The following KLF8 variants were observed in gnomAD, a reference collection of about 807,000 sequenced individuals.
KLF8 encodes KLF transcription factor 8, also known as Krueppel-like factor 8.
A neutral mutation model predicts 18.2 loss-of-function variants in KLF8; 10 were observed. The ratio of observed to expected loss-of-function variants is 0.55; its 90% CI spans 0.34 to 0.93. The LOEUF (loss-of-function observed/expected upper bound fraction) is 0.93. Among genes scored for constraint, KLF8 ranks in the 40% least tolerant of loss-of-function variants. The pLI is 0.02. For synonymous variants in KLF8, 109 were observed against 97.3 expected, an observed-to-expected ratio of 1.12 and a Z score of -0.71; for missense variants, 264 against 277.9, an observed-to-expected ratio of 0.95 and a Z score of 0.36.
the KLF8 span, among the ~76,000 whole-genome samples, chrX:56,196,515 G>A: frequency 8.9e-6 from 1 of 112,009 alleles, no homozygotes; most frequent in Admixed American, 9.5e-5. Flanking sequence ...ATTACATAAT[G>A]GTAAAGGAAT....
At chrX:56,078,396 T>C in the KLF8 span, among the ~76,000 whole-genome samples, 1 of 112,451 alleles carries the variant, frequency 8.9e-6, no homozygotes, top group Non-Finnish European at 1.9e-5. Context: ...TCTATTGAGA[T>C]AATCATGTGG....
chrX:56,118,011 T>C, the KLF8 span, among the ~76,000 whole-genome samples: 275 of 111,732 alleles, frequency 2.5e-3, 1 homozygote, highest in African/African-American at 8.7e-3. Flanking sequence ...CTAAGGCCTC[T>C]TTTATAAGGG....
At chrX:56,166,853 A>C in the KLF8 span, among the ~76,000 whole-genome samples, 1 of 111,589 alleles carries the variant, frequency 9.0e-6, no homozygotes, top group East Asian at 2.8e-4. Context: ...CCTACTATAG[A>C]GGTGCTCCAG....
At chrX:56,069,254 G>T in the KLF8 span, among the ~76,000 whole-genome samples, 1 of 111,826 alleles carries the variant, frequency 8.9e-6, no homozygotes, top group Non-Finnish European at 1.9e-5. Flanking sequence ...TGGATGGCAG[G>T]GTGCATGACC....
chrX:56,137,919 A>G, the KLF8 span, among the ~76,000 whole-genome samples: 5 of 108,901 alleles, frequency 4.6e-5, no homozygotes, highest in Admixed American at 4.0e-4. Flanking sequence ...ACTAAAATTT[A>G]GCTCTTTGAA....
the KLF8 span, among the ~76,000 whole-genome samples, chrX:55,969,449 GA>G: frequency 9.0e-6 from 1 of 111,513 alleles, no homozygotes; most frequent in African/African-American, 3.3e-5. Context: ...GATGCAGTGA[GA>G]GCAGTCCTAA....
the KLF8 span, among the ~76,000 whole-genome samples, chrX:56,064,417 A>C: frequency 9.1e-6 from 1 of 109,550 alleles, no homozygotes; most frequent in East Asian, 2.8e-4. Context: ...TTACATGTGA[A>C]GTGAGTTTCT....
At chrX:56,172,653 T>G in the KLF8 span, among the ~76,000 whole-genome samples, 1 of 112,103 alleles carries the variant, frequency 8.9e-6, no homozygotes, top group Non-Finnish European at 1.9e-5. Context: ...ATAGAATTTC[T>G]AGTTCTAGAT....
chrX:56,091,510 T>G, the KLF8 span, among the ~76,000 whole-genome samples: 5 of 111,178 alleles, frequency 4.5e-5, no homozygotes, highest in Non-Finnish European at 5.7e-5. Context: ...ATTTATTTAT[T>G]TATTGAGACA....
chrX:56,263,757 T>C (rs1337209567), intron 2 of KLF8, among the ~76,000 whole-genome samples: 1 of 112,281 alleles, frequency 8.9e-6, no homozygotes, highest in African/African-American at 3.2e-5. Context: ...TACTCAAATA[T>C]TTTTACATGT....
At chrX:56,129,258 T>G in the KLF8 span, among the ~76,000 whole-genome samples, 330 of 112,079 alleles carry the variant, frequency 2.9e-3, no homozygotes, top group African/African-American at 0.01. Context: ...ACTGCAGGAA[T>G]AGACCAGAAA....
the KLF8 span, among the ~76,000 whole-genome samples, chrX:56,221,171 C>A: frequency 3.7e-3 from 410 of 111,968 alleles, 2 homozygotes; most frequent in African/African-American, 0.013. Context: ...TGGCTGGAAT[C>A]ATCAGAACTA....
At chrX:56,192,225 T>C in the KLF8 span, among the ~76,000 whole-genome samples, 2 of 111,638 alleles carry the variant, frequency 1.8e-5, no homozygotes, top group South Asian at 3.7e-4. Flanking sequence ...CCATTTACAA[T>C]AGCTAAAATT....
the KLF8 span, among the ~76,000 whole-genome samples, chrX:56,084,392 A>G: frequency 1.8e-5 from 2 of 111,009 alleles, no homozygotes; most frequent in Non-Finnish European, 3.8e-5. Context: ...AAACAAACAA[A>G]CAAACAAAAC....
chrX:56,075,212 G>T, the KLF8 span, among the ~76,000 whole-genome samples: 1 of 110,309 alleles, frequency 9.1e-6, no homozygotes, highest in Non-Finnish European at 1.9e-5. Flanking sequence ...ATTGTAAAAG[G>T]AATTATTTTA....
At chrX:56,111,311 T>A in the KLF8 span, among the ~76,000 whole-genome samples, 1 of 112,067 alleles carries the variant, frequency 8.9e-6, no homozygotes, top group Non-Finnish European at 1.9e-5. Flanking sequence ...ATGTATCTAG[T>A]TGTGGAGCTC....
chrX:55,934,987 A>T, the KLF8 span, among the ~76,000 whole-genome samples: 2 of 112,011 alleles, frequency 1.8e-5, no homozygotes, highest in Non-Finnish European at 3.8e-5. Flanking sequence ...CCATATGCAT[A>T]TCCATGAAAA....
At chrX:55,969,104 G>T in the KLF8 span, among the ~76,000 whole-genome samples, 6 of 111,707 alleles carry the variant, frequency 5.4e-5, no homozygotes, top group African/African-American at 1.9e-4. Flanking sequence ...AGACCAAATG[G>T]ATCTAATAGA....
At chrX:56,096,114 T>G in the KLF8 span, among the ~76,000 whole-genome samples, 5 of 110,642 alleles carry the variant, frequency 4.5e-5, no homozygotes, top group Admixed American at 2.9e-4. Context: ...TACACAGACA[T>G]AAAACAGAAT....
Sources: allele counts gnomAD v4.1 joint callset (sites outside exome capture counted in the v4.1 genomes callset), GRCh38; gene constraint gnomAD v4.1.1; transcripts MANE v1.5; gene names NCBI Gene and HGNC (gene_info 2026-07-23, HGNC 2026-07-21).